The following AEBP2 variants were observed in gnomAD, a reference collection of about 807,000 sequenced individuals.
AEBP2 encodes AE binding protein 2.
Under a neutral mutation model 50.8 loss-of-function variants are expected in AEBP2, and 10 were observed. The ratio of observed to expected loss-of-function variants is 0.20; its 90% CI spans 0.12 to 0.33. The LOEUF (loss-of-function observed/expected upper bound fraction) is 0.33. Among genes scored for constraint, AEBP2 ranks in the 10% least tolerant of loss-of-function variants. The probability of loss-of-function intolerance (pLI) is 1.00; values close to 1 mark genes in which losing one functional copy is unlikely to be tolerated. For synonymous variants in AEBP2, 296 were observed against 261.3 expected (o/e 1.13, Z -1.28); for missense variants, 570 against 688.0 (o/e 0.83, Z 1.92).
chr12:19,483,009 C>T (rs1948753075), intron 3 of AEBP2, among the ~76,000 whole-genome samples: 1 of 152,192 alleles, frequency 6.6e-6, no homozygotes, highest in Non-Finnish European at 1.5e-5. Context: ...CCTCGCCCCT[C>T]CCCGTCTGCC....
At chr12:19,463,012 G>A (rs1422143447) in intron 2 of AEBP2, among the ~76,000 whole-genome samples, 3 of 152,180 alleles carry the variant, frequency 2.0e-5, no homozygotes, top group Non-Finnish European at 4.4e-5. Flanking sequence ...GGGTTCTGAT[G>A]TTTTGAGTTG....
At chr12:19,457,096 T>C in intron 1 of AEBP2, 1 of 1,603,100 alleles carries the variant, frequency 6.2e-7, no homozygotes, top group South Asian at 1.1e-5. Flanking sequence ...GTAGCCAATT[T>C]TCTTAATTTA....
intron 5 of AEBP2, among the ~76,000 whole-genome samples, chr12:19,503,152 A>G (rs1949107471): frequency 6.6e-6 from 1 of 152,212 alleles, no homozygotes; most frequent in South Asian, 2.1e-4. Context: ...TGATAGGAAT[A>G]GCATTGAATC....
chr12:19,416,077 G>C (rs1173669075), intron 1 of AEBP2, among the ~76,000 whole-genome samples: 4 of 152,172 alleles, frequency 2.6e-5, no homozygotes, highest in African/African-American at 9.7e-5. Flanking sequence ...AACTACTTGG[G>C]AGGCTGAGGT....
intron 1 of AEBP2, among the ~76,000 whole-genome samples, chr12:19,425,513 C>T (rs952359467): frequency 6.6e-6 from 1 of 151,990 alleles, no homozygotes; most frequent in African/African-American, 2.4e-5. Flanking sequence ...ATGCTGTAAT[C>T]CCAGCACTTT....
At chr12:19,439,325 G>GC (rs1947895558), upstream of AEBP2, among the ~76,000 whole-genome samples, 1 of 147,470 alleles carries the variant, frequency 6.8e-6, no homozygotes, top group African/African-American at 2.5e-5. Context: ...GGGCTTCGAA[G>GC]CCCGGCAGGG....
intron 1 of AEBP2, among the ~76,000 whole-genome samples, chr12:19,422,866 C>G (rs1345432640): frequency 6.6e-6 from 1 of 151,578 alleles, no homozygotes; most frequent in Non-Finnish European, 1.5e-5. Context: ...GAGTTCGAGA[C>G]CAGGCTGGCC....
At chr12:19,407,456 A>T (rs1208680471) in intron 1 of AEBP2, among the ~76,000 whole-genome samples, 1 of 152,110 alleles carries the variant, frequency 6.6e-6, no homozygotes, top group Non-Finnish European at 1.5e-5. Context: ...GGCGCACGCC[A>T]CCATGCCCAG....
intron 2 of AEBP2, among the ~76,000 whole-genome samples, chr12:19,473,038 T>G (rs1450339186): frequency 6.6e-6 from 1 of 152,144 alleles, no homozygotes. Context: ...GGTGTGTTAA[T>G]TCCTTATCGA....
intron 2 of AEBP2, among the ~76,000 whole-genome samples, chr12:19,470,130 C>G (rs960221528): frequency 4.6e-5 from 7 of 151,724 alleles, no homozygotes; most frequent in Non-Finnish European, 8.8e-5. Flanking sequence ...TAGCCTCGAA[C>G]AGTTTTGTGT....
At position 19,460,344 on chromosome 12, in the gene AEBP2, G is replaced by A. The variant is rs1948351509; in HGVS notation, c.672-2166G>A. Among the ~76,000 whole-genome samples, 5 of 152,006 alleles carry A rather than the reference G, an allele frequency of 3.3e-5. 1 individual carries two copies. In the South Asian group the frequency reaches 8.3e-4, roughly 25 times the overall value. ...AGGTTGTATTGGTATATAGGTGAAC[G>A]TTCTTTTTGTTTTTTGAGACAGAGT... On this transcript the variant is annotated intron_variant, in intron 1 of 7. Coordinates refer to ENST00000266508, the MANE Select transcript of AEBP2 (RefSeq NM_153207.5).
chr12:19,463,631 C>T (rs537800740), intron 2 of AEBP2, among the ~76,000 whole-genome samples: 3 of 143,750 alleles, frequency 2.1e-5, no homozygotes, highest in South Asian at 2.2e-4. Context: ...ACCGGGTCAA[C>T]GTTTCTAACA....
At position 19,519,747 on chromosome 12, in the gene AEBP2, T is replaced by C. The variant is rs1173324799; in HGVS notation, c.*1630T>C. ...TCCACGATACATAAATCATTTCTCA[T>C]TTGCTTTAAAAAATTTAAAAGTGTA... On this transcript the variant is annotated 3_prime_UTR_variant, in exon 8 of 8. Transcript: ENST00000266508. 2 of 152,608 alleles carry C rather than the reference T, an allele frequency of 1.3e-5. No homozygotes were observed. Among genetic ancestry groups the C allele is most frequent in the African/African-American group, 4.8e-5 (2 of 41,474 alleles). The allele number at this position is 152,608 out of a possible 1,614,324, so 9.5% of individuals were successfully genotyped here.
intron 3 of AEBP2, among the ~76,000 whole-genome samples, chr12:19,476,879 G>A (rs1360983663): frequency 3.3e-5 from 5 of 152,052 alleles, no homozygotes; most frequent in African/African-American, 1.2e-4. Flanking sequence ...TGGGAATTGC[G>A]TTGAATCTGT....
intron 3 of AEBP2, among the ~76,000 whole-genome samples, chr12:19,474,934 C>T (rs531179598): frequency 1.6e-4 from 25 of 152,132 alleles, no homozygotes; most frequent in Middle Eastern, 3.4e-3. Flanking sequence ...CTGGGATTAC[C>T]GGCATGCGCC....
intron 3 of AEBP2, among the ~76,000 whole-genome samples, chr12:19,475,137 A>G (rs1441892953): frequency 1.3e-5 from 2 of 151,190 alleles, no homozygotes; most frequent in Admixed American, 1.3e-4. Context: ...TAAATTCCTT[A>G]GTGGTGATTT....
chr12:19,513,945 CTTTTTT>C (rs558871495), intron 6 of AEBP2, among the ~76,000 whole-genome samples: 2 of 70,420 alleles, frequency 2.8e-5, no homozygotes, highest in Non-Finnish European at 6.1e-5. Context: ...TTATTTATTT[CTTTTTT>C]TTTTTTTTAA....
chr12:19,493,896 T>G lies in AEBP2; in HGVS notation c.1084T>G (p.Ser362Ala). ...HFSQQNSSKV[S>A]SQPKAKEESP... ...CAGTCAGCAGAACTCCTCAAAAGTT[T>G]CTAGCCAGCCAAAGGCCAAAGAAGA... The change falls in exon 4 of 8, where the codon TCT (serine) becomes GCT (alanine). Residue 362 changes from serine to alanine, a missense_variant. This residue lies in a region of AEBP2 where 184 missense variants were observed against 351.2 expected (regional missense o/e 0.52). Transcript: ENST00000266508. 6.2e-7 allele frequency: 1 copy of G among 1,613,866 alleles called. No individual in the cohort carries two copies. Among genetic ancestry groups the G allele is most frequent in the Non-Finnish European group, 8.5e-7 (1 of 1,179,832 alleles).
chr12:19,508,893 A>G (rs1949192873), intron 5 of AEBP2: 2 of 279,670 alleles, frequency 7.2e-6, no homozygotes, highest in Admixed American at 3.6e-5. Context: ...CGTTGTCTGC[A>G]GGCACTCAGA....
Sources: allele counts gnomAD v4.1 joint callset (sites outside exome capture counted in the v4.1 genomes callset), GRCh38; gene constraint gnomAD v4.1.1; regional missense constraint gnomAD v4.1.1; transcripts MANE v1.5; gene names NCBI Gene and HGNC (gene_info 2026-07-23, HGNC 2026-07-21).